The following SGPP2 variants were observed in gnomAD, a reference collection of about 807,000 sequenced individuals.
SGPP2 encodes the protein sphingosine-1-phosphate phosphatase 2.
In SGPP2, 30 loss-of-function variants were observed where a neutral mutation model predicts 33.9. That is an observed-to-expected ratio of 0.89 (90% CI 0.66 to 1.20). The LOEUF (loss-of-function observed/expected upper bound fraction) is 1.20. Among genes scored for constraint, SGPP2 ranks in the 50% most tolerant of loss-of-function variants. The probability of loss-of-function intolerance (pLI) is 0.00; values close to 1 mark genes in which losing one functional copy is unlikely to be tolerated. For missense variants in SGPP2, 458 were observed against 532.1 expected, an observed-to-expected ratio of 0.86 and a Z score of 1.37; for synonymous variants, 233 against 225.0, an observed-to-expected ratio of 1.04 and a Z score of -0.32.
At position 222,460,345 on chromosome 2, in the gene SGPP2, C is replaced by T. The variant is rs1000156419; in HGVS notation, c.220-14223C>T. 2.0e-5 allele frequency among the ~76,000 whole-genome samples: 3 copies of T among 152,110 alleles called. No homozygotes were observed. Among genetic ancestry groups the T allele is most frequent in the African/African-American group, 4.8e-5 (2 of 41,414 alleles). On this transcript the variant is annotated intron_variant, in intron 1 of 4. Transcript: ENST00000321276. This position sits in a 1 kb window ranked among gnomAD's most constrained non-coding sequence, Gnocchi z 4.3. ...TGTTATTTCAGATGTGAGGTGGGAG[C>T]GCAGGGAGGCTCCAGTGGGGCTGCT... is the stretch of plus-strand genomic sequence containing the variant.
chr2:222,456,286 T>C (rs1697572303), intron 1 of SGPP2, among the ~76,000 whole-genome samples: 1 of 152,198 alleles, frequency 6.6e-6, no homozygotes, highest in Admixed American at 6.5e-5. Context: ...GACTCTCCCA[T>C]TCCACACATC....
At chr2:222,426,476 G>C (rs1456285273) in intron 1 of SGPP2, among the ~76,000 whole-genome samples, 1 of 152,136 alleles carries the variant, frequency 6.6e-6, no homozygotes, top group Non-Finnish European at 1.5e-5. Flanking sequence ...AAACTCCACA[G>C]TTGGATCCTC....
intron 4 of SGPP2, among the ~76,000 whole-genome samples, chr2:222,546,468 T>C (rs557759115): frequency 1.3e-5 from 2 of 152,190 alleles, no homozygotes; most frequent in African/African-American, 2.4e-5. Flanking sequence ...ATGGCCATAT[T>C]TGACTTCACT....
chr2:222,498,816 G>C (rs749167132), intron 2 of SGPP2, among the ~76,000 whole-genome samples: 2 of 152,146 alleles, frequency 1.3e-5, no homozygotes, highest in African/African-American at 2.4e-5. Context: ...AGGCCTTTCA[G>C]AGGAGGTGTT....
At chr2:222,470,892 G>C (rs557667050) in intron 1 of SGPP2, among the ~76,000 whole-genome samples, 2 of 152,302 alleles carry the variant, frequency 1.3e-5, no homozygotes, top group East Asian at 3.9e-4. Flanking sequence ...AGAACCTGCC[G>C]AGATTAGTCC....
At chr2:222,551,556 ATT>A (rs1374437061) in intron 4 of SGPP2, among the ~76,000 whole-genome samples, 1 of 152,188 alleles carries the variant, frequency 6.6e-6, no homozygotes, top group Non-Finnish European at 1.5e-5. Flanking sequence ...AGAGACTTAT[ATT>A]AGAAAGCTCA....
intron 2 of SGPP2, among the ~76,000 whole-genome samples, chr2:222,507,956 G>GT (rs952749467): frequency 1.0e-3 from 157 of 152,262 alleles, no homozygotes; most frequent in African/African-American, 3.6e-3. Flanking sequence ...TTGAAGGAGG[G>GT]TGAGCTTATG....
chr2:222,561,095 A>ACT lies in SGPP2; in HGVS notation c.*2203_*2204dup, dbSNP rs1213002816. On this transcript the variant is annotated 3_prime_UTR_variant, in exon 5 of 5. Coordinates refer to ENST00000321276, the MANE Select transcript of SGPP2 (RefSeq NM_152386.4). ...ACTCCAGCCTGGGCGACAGAGCGAGACTCTCTCAAAAAAAAAAAAAAAGAA... is the reference window on the plus strand; with the variant it reads ...ACTCCAGCCTGGGCGACAGAGCGAGACTCTCTCTCAAAAAAAAAAAAAAAGAA... 142 of 142,852 alleles carry ACT rather than the reference A, an allele frequency of 9.9e-4. No individual in the cohort carries two copies. The highest frequency in any genetic ancestry group is 3.4e-3 in the African/African-American group (130 of 38,254). 8.8% of individuals were successfully genotyped at this position (142,852 alleles called of 1,614,324 possible). A position where few individuals can be genotyped will look rare whatever the true frequency, so the allele number is the denominator to read the frequency against.
At chr2:222,493,180 A>G (rs773548247) in intron 2 of SGPP2, among the ~76,000 whole-genome samples, 1 of 152,208 alleles carries the variant, frequency 6.6e-6, no homozygotes, top group Non-Finnish European at 1.5e-5. Flanking sequence ...ACTGCTATGA[A>G]GATACTATCC....
chr2:222,467,256 A>T (rs967628451), intron 1 of SGPP2, among the ~76,000 whole-genome samples: 2 of 151,658 alleles, frequency 1.3e-5, no homozygotes, highest in Non-Finnish European at 2.9e-5. Context: ...TGCCCAGGTC[A>T]TTCGGATGCA....
chr2:222,442,265 G>C (rs1009106130), intron 1 of SGPP2, among the ~76,000 whole-genome samples: 1 of 152,008 alleles, frequency 6.6e-6, no homozygotes, highest in Admixed American at 6.6e-5. Flanking sequence ...TTTAATTGTT[G>C]TATGTCATTG....
intron 2 of SGPP2, among the ~76,000 whole-genome samples, chr2:222,485,161 G>A (rs1358936278): frequency 2.6e-5 from 4 of 152,248 alleles, no homozygotes; most frequent in Non-Finnish European, 5.9e-5. Context: ...TTTCCACTGC[G>A]CCATGTTGCC....
At chr2:222,505,505 A>G (rs1241321228) in intron 2 of SGPP2, among the ~76,000 whole-genome samples, 1 of 152,236 alleles carries the variant, frequency 6.6e-6, no homozygotes, top group East Asian at 1.9e-4. Flanking sequence ...AAAAACTCAC[A>G]GATGAAAGAT....
rs569902269 is a variant in SGPP2, at chr2:222,508,019, G to A, written c.379-13748G>A. On this transcript the variant is annotated intron_variant, in intron 2 of 4. Transcript: ENST00000321276. ...ACATTTCCTAGGACTGAAGACACTCGTTCCCTCAGTGGGAGTCATTTGGAT... is the reference window on the plus strand; with the variant it reads ...ACATTTCCTAGGACTGAAGACACTCATTCCCTCAGTGGGAGTCATTTGGAT... 5.6e-4 allele frequency among the ~76,000 whole-genome samples: 85 copies of A among 152,234 alleles called. 1 individual carries two copies. The highest frequency in any genetic ancestry group is 1.9e-3 in the African/African-American group (81 of 41,542).
At chr2:222,491,910 C>T (rs1698202984) in intron 2 of SGPP2, among the ~76,000 whole-genome samples, 2 of 152,206 alleles carry the variant, frequency 1.3e-5, no homozygotes, top group South Asian at 4.1e-4. Flanking sequence ...TGGGTAAATA[C>T]ATTCATTCCA....
intron 1 of SGPP2, among the ~76,000 whole-genome samples, chr2:222,470,589 C>T (rs947671676): frequency 3.3e-5 from 5 of 150,980 alleles, no homozygotes; most frequent in Admixed American, 3.3e-4. Flanking sequence ...AGTTTGCTAT[C>T]ACTTTTGGTG....
chr2:222,548,530 G>C (rs942080272), intron 4 of SGPP2, among the ~76,000 whole-genome samples: 2 of 152,178 alleles, frequency 1.3e-5, no homozygotes, highest in African/African-American at 2.4e-5. Context: ...GGATATCTAA[G>C]GTGGCTCAGA....
rs530168064 is a variant in SGPP2 at position 222,528,314 on chromosome 2, A to G, written c.648+3281A>G. On this transcript the variant is annotated intron_variant, in intron 4 of 4. Transcript: ENST00000321276. ...ATCACAGCGGGTTCAGTTCCAAACCATCACCATCAAGTCAATATCACAATC... is the reference window on the plus strand; with the variant it reads ...ATCACAGCGGGTTCAGTTCCAAACCGTCACCATCAAGTCAATATCACAATC... Among the ~76,000 whole-genome samples, 6 of 152,284 alleles carry G rather than the reference A, an allele frequency of 3.9e-5. No homozygotes were observed. The South Asian group carries it at 1.0e-3, about 26-fold the overall frequency.
intron 2 of SGPP2, among the ~76,000 whole-genome samples, chr2:222,482,465 T>C (rs976079298): frequency 2.6e-5 from 4 of 152,180 alleles, no homozygotes; most frequent in African/African-American, 9.7e-5. Context: ...GGCACAATCA[T>C]AGCTCACTGC....
Sources: allele counts gnomAD v4.1 joint callset (sites outside exome capture counted in the v4.1 genomes callset), GRCh38; gene constraint gnomAD v4.1.1; non-coding constraint Gnocchi (gnomAD v3.1); transcripts MANE v1.5; gene names NCBI Gene and HGNC (gene_info 2026-07-23, HGNC 2026-07-21).